Variants in BABAM2 observed in about 807,000 individuals in gnomAD.
The protein encoded by BABAM2 is BRISC and BRCA1-A complex member 2.
BABAM2 carries 31 observed loss-of-function variants against 54.7 expected under a neutral mutation model. The ratio of observed to expected loss-of-function variants is 0.57; its 90% CI spans 0.43 to 0.77. BABAM2 has a LOEUF of 0.77. BABAM2 is among the 30% of genes least tolerant of loss of function. BABAM2 has a pLI of 0.00. For missense variants in BABAM2, 364 were observed against 455.8 expected, an observed-to-expected ratio of 0.80 and a Z score of 1.83; for synonymous variants, 167 against 162.9, an observed-to-expected ratio of 1.03 and a Z score of -0.19.
At chr2:27,956,185 T>C (rs910390721) in intron 3 of BABAM2, among the ~76,000 whole-genome samples, 7 of 152,276 alleles carry the variant, frequency 4.6e-5, no homozygotes, top group Admixed American at 4.6e-4. Flanking sequence ...TTAAACAAGA[T>C]TATTAATGTA....
intron 10 of BABAM2, among the ~76,000 whole-genome samples, chr2:28,274,727 C>G (rs755666421): frequency 2.6e-5 from 4 of 152,186 alleles, no homozygotes; most frequent in African/African-American, 7.2e-5. Context: ...TAACCACTTG[C>G]TGAAATGGGA....
intron 2 of BABAM2, among the ~76,000 whole-genome samples, chr2:27,898,836 ATGT>A (rs1665545330): frequency 6.6e-6 from 1 of 152,166 alleles, no homozygotes; most frequent in Non-Finnish European, 1.5e-5. Flanking sequence ...AGTAACAAAA[ATGT>A]TGTAAAATTA....
chr2:27,925,124 T>C (rs961496626), intron 2 of BABAM2, among the ~76,000 whole-genome samples: 1 of 152,172 alleles, frequency 6.6e-6, no homozygotes, highest in Non-Finnish European at 1.5e-5. Flanking sequence ...TTCATACCCC[T>C]GTCCCCCATT....
intron 2 of BABAM2, among the ~76,000 whole-genome samples, chr2:27,915,769 T>A (rs1337431327): frequency 6.6e-6 from 1 of 152,184 alleles, no homozygotes; most frequent in Non-Finnish European, 1.5e-5. Flanking sequence ...TCCTTTTCCT[T>A]TCTTCCCCAC....
chr2:28,124,977 T>C (rs1669380180), intron 6 of BABAM2, among the ~76,000 whole-genome samples: 1 of 152,252 alleles, frequency 6.6e-6, no homozygotes, highest in Admixed American at 6.5e-5. Context: ...AAAATAACTT[T>C]AGCACATGTG....
chr2:28,013,833 A>C (rs1383831021), intron 4 of BABAM2, among the ~76,000 whole-genome samples: 1 of 151,982 alleles, frequency 6.6e-6, no homozygotes, highest in Non-Finnish European at 1.5e-5. Context: ...AACCACAATC[A>C]GAAGCTTCCA....
chr2:28,321,345 A>G (rs1690004618), intron 11 of BABAM2, among the ~76,000 whole-genome samples: 1 of 152,198 alleles, frequency 6.6e-6, no homozygotes, highest in African/African-American at 2.4e-5. Flanking sequence ...CTTCCCACTT[A>G]ATCAGATAGG....
At chr2:28,303,890 C>CT (rs1340867259) in intron 11 of BABAM2, among the ~76,000 whole-genome samples, 4 of 151,278 alleles carry the variant, frequency 2.6e-5, no homozygotes, top group Non-Finnish European at 4.4e-5. Flanking sequence ...TTTTCTTTTT[C>CT]TTTTTTTTGA....
chr2:28,337,830 G>T (rs1288212988), intron 11 of BABAM2, among the ~76,000 whole-genome samples: 1 of 152,016 alleles, frequency 6.6e-6, no homozygotes, highest in Non-Finnish European at 1.5e-5. Flanking sequence ...GTGAAAAAAT[G>T]AAAAAACAAT....
chr2:28,288,596 G>A (rs951780205), intron 10 of BABAM2, among the ~76,000 whole-genome samples: 16 of 152,218 alleles, frequency 1.1e-4, no homozygotes, highest in Middle Eastern at 3.4e-3. Flanking sequence ...AAAATGCTGG[G>A]ATAGATTATG....
intron 3 of BABAM2, among the ~76,000 whole-genome samples, chr2:27,961,401 A>T (rs1670456710): frequency 6.6e-6 from 1 of 152,186 alleles, no homozygotes; most frequent in Non-Finnish European, 1.5e-5. Context: ...GTAGTCAATC[A>T]ATTACATGAG....
intron 4 of BABAM2, among the ~76,000 whole-genome samples, chr2:27,992,632 A>G (rs1418919562): frequency 1.3e-5 from 2 of 152,218 alleles, no homozygotes; most frequent in Non-Finnish European, 2.9e-5. Flanking sequence ...CATTGTAATA[A>G]AAAAGGAAAA....
chr2:28,007,121 T>C (rs1156930999), intron 4 of BABAM2, among the ~76,000 whole-genome samples: 7 of 151,966 alleles, frequency 4.6e-5, no homozygotes, highest in Non-Finnish European at 1.0e-4. Flanking sequence ...ATTGTAGCTG[T>C]ATAGCAGAGT....
intron 6 of BABAM2, among the ~76,000 whole-genome samples, chr2:28,069,662 C>T (rs1293503663): frequency 6.6e-6 from 1 of 152,110 alleles, no homozygotes; most frequent in Non-Finnish European, 1.5e-5. Flanking sequence ...TGCAGACACA[C>T]AATAATGTCA....
At chr2:27,946,245 A>T (rs942875801) in intron 3 of BABAM2, among the ~76,000 whole-genome samples, 6 of 151,808 alleles carry the variant, frequency 4.0e-5, no homozygotes, top group African/African-American at 9.7e-5. Context: ...ATATATGTTA[A>T]TTTTTTTTCT....
At chr2:27,993,154 A>G (rs1318756710) in intron 4 of BABAM2, among the ~76,000 whole-genome samples, 1 of 152,158 alleles carries the variant, frequency 6.6e-6, no homozygotes, top group Non-Finnish European at 1.5e-5. Context: ...ATTCAGAGTT[A>G]AAAAAGGGCA....
chr2:28,026,989 A>AATATATATATATATATAT (rs1558668333), intron 5 of BABAM2, among the ~76,000 whole-genome samples: 1 of 110,046 alleles, frequency 9.1e-6, no homozygotes, highest in African/African-American at 3.8e-5. Context: ...AATATATATA[A>AATATATATATATATATAT]AAATATATAA....
At chr2:28,172,282 C>G (rs1044224010) in intron 7 of BABAM2, among the ~76,000 whole-genome samples, 2 of 152,106 alleles carry the variant, frequency 1.3e-5, no homozygotes, top group Admixed American at 6.5e-5. Context: ...TCCATATTCA[C>G]TGTGTTAATT....
chr2:28,014,839 A>G (rs1674682880), intron 4 of BABAM2, among the ~76,000 whole-genome samples: 1 of 152,166 alleles, frequency 6.6e-6, no homozygotes. Flanking sequence ...CTGGTTACAT[A>G]AAATTTTCCT....
Sources: allele counts gnomAD v4.1 joint callset (sites outside exome capture counted in the v4.1 genomes callset), GRCh38; gene constraint gnomAD v4.1.1; transcripts MANE v1.5; gene names NCBI Gene and HGNC (gene_info 2026-07-23, HGNC 2026-07-21).